The following TENM4 variants were observed in gnomAD, a reference collection of about 807,000 sequenced individuals.
TENM4 encodes teneurin transmembrane protein 4.
Under a neutral mutation model 243.3 loss-of-function variants are expected in TENM4, and 82 were observed. The ratio of observed to expected loss-of-function variants is 0.34; its 90% confidence interval spans 0.28 to 0.40. TENM4 has a LOEUF of 0.40. Among genes scored for constraint, TENM4 ranks in the 10% least tolerant of loss-of-function variants. The pLI, the probability that TENM4 is intolerant of heterozygous loss-of-function variation, is 1.00. For synonymous variants in TENM4, 1,412 were observed against 1,456.3 expected (o/e 0.97, Z 0.69); for missense variants, 3,138 against 3,673.3 (o/e 0.85, Z 3.77).
chr11:79,315,102 T>C (rs544167886), intron 1 of TENM4, among the ~76,000 whole-genome samples: 7 of 151,440 alleles, frequency 4.6e-5, no homozygotes, highest in Non-Finnish European at 1.0e-4. Flanking sequence ...AGCGTGGGAG[T>C]AGGAGTTTAC....
chr11:78,778,319 A>C, intron 17 of TENM4, among the ~76,000 whole-genome samples: 1 of 67,512 alleles, frequency 1.5e-5, no homozygotes, highest in South Asian at 7.5e-4. Context: ...AGGTGTATGT[A>C]TGTGGGGCGG....
chr11:79,069,732 G>T lies in TENM4; in HGVS notation c.213C>A (p.Phe71Leu), dbSNP rs1416902192. 4 of 1,550,598 alleles carry T rather than the reference G, an allele frequency of 2.6e-6. No homozygotes were observed. The highest frequency in any genetic ancestry group is 3.5e-6 in the Non-Finnish European group (4 of 1,146,862). The change falls in exon 5 of 34, where the codon TTC (phenylalanine) becomes TTA (leucine). Residue 71 changes from phenylalanine (F) to leucine (L), a missense_variant. Physicochemically the swap from Phe to Leu is conservative, Grantham distance 22 (BLOSUM62 0). Around this residue, in one of 2 missense-constraint regions of TENM4, gnomAD observed 671 missense variants for 614.1 expected, o/e 1.09. Coordinates refer to ENST00000278550, the MANE Select transcript of TENM4 (RefSeq NM_001098816.3). ...CGGCCTTGTCCTTACCTGTGCGGCA[G>T]AATTCCTCGGCCTCCTGCGGCACAA... ...KDIVPQEAEE[F>L]CRTGANFTLR...
chr11:79,275,569 C>CT (rs1459745763), intron 2 of TENM4, among the ~76,000 whole-genome samples: 1 of 152,190 alleles, frequency 6.6e-6, no homozygotes, highest in Non-Finnish European at 1.5e-5. Flanking sequence ...TCCTGCTAGC[C>CT]TTGTCTCCAC....
At chr11:78,790,322 G>A (rs1050982710) in intron 15 of TENM4, among the ~76,000 whole-genome samples, 3 of 152,232 alleles carry the variant, frequency 2.0e-5, no homozygotes, top group African/African-American at 7.2e-5. Flanking sequence ...TGGGTAATCT[G>A]CAAGCTGCCA....
chr11:78,802,413 C>G (rs990407863), intron 15 of TENM4, among the ~76,000 whole-genome samples: 1 of 152,230 alleles, frequency 6.6e-6, no homozygotes, highest in Non-Finnish European at 1.5e-5. Context: ...TAACATGTGG[C>G]AGAAGCAGGG....
intron 8 of TENM4, among the ~76,000 whole-genome samples, 183 bp from the exon 9 acceptor site, chr11:78,890,203 G>T (rs889515028): frequency 1.8e-4 from 28 of 152,068 alleles, no homozygotes; most frequent in African/African-American, 6.3e-4. Context: ...ATGGAACAGG[G>T]CACACAGAGA....
chr11:79,166,665 G>T (rs1254557173), intron 3 of TENM4, among the ~76,000 whole-genome samples: 1 of 152,198 alleles, frequency 6.6e-6, no homozygotes, highest in East Asian at 1.9e-4. Flanking sequence ...CTAATAAGTG[G>T]CAGAAGTGGG....
chr11:79,002,639 A>T (rs541281372), intron 6 of TENM4, among the ~76,000 whole-genome samples: 1 of 152,352 alleles, frequency 6.6e-6, no homozygotes, highest in Non-Finnish European at 1.5e-5. Context: ...GATAAAATCA[A>T]AAAAACCCAT....
At chr11:78,945,825 C>A (rs932389454) in intron 6 of TENM4, among the ~76,000 whole-genome samples, 1 of 152,182 alleles carries the variant, frequency 6.6e-6, no homozygotes, top group Admixed American at 6.5e-5. Flanking sequence ...CCACAACACT[C>A]CCTTAAACCA....
intron 1 of TENM4, among the ~76,000 whole-genome samples, chr11:79,361,767 G>GAA (rs147994375): frequency 6.7e-6 from 1 of 149,620 alleles, no homozygotes; most frequent in Non-Finnish European, 1.5e-5. Context: ...TATCGCAACA[G>GAA]AAAAAAAAAA....
intron 29 of TENM4, among the ~76,000 whole-genome samples, chr11:78,677,126 T>G (rs1858498106): frequency 6.6e-6 from 1 of 152,238 alleles, no homozygotes; most frequent in African/African-American, 2.4e-5. Context: ...AGAGTAAATC[T>G]TATGCTATGT....
chr11:79,059,075 A>G (rs1177201744), intron 6 of TENM4, among the ~76,000 whole-genome samples: 1 of 152,196 alleles, frequency 6.6e-6, no homozygotes, highest in African/African-American at 2.4e-5. Context: ...CACCTAATCT[A>G]CTGACTCTGA....
chr11:79,432,189 T>A (rs1859183295), intron 1 of TENM4, among the ~76,000 whole-genome samples: 1 of 152,232 alleles, frequency 6.6e-6, no homozygotes, highest in Non-Finnish European at 1.5e-5. Context: ...TTACATGGTC[T>A]TCTAATTCCA....
At chr11:79,037,631 C>T (rs1464909819) in intron 6 of TENM4, among the ~76,000 whole-genome samples, 1 of 152,128 alleles carries the variant, frequency 6.6e-6, no homozygotes, top group Non-Finnish European at 1.5e-5. Flanking sequence ...AATCAACCAC[C>T]ATGTCTCAAA....
chr11:78,793,039 C>A (rs916227496), intron 15 of TENM4, among the ~76,000 whole-genome samples: 1 of 152,158 alleles, frequency 6.6e-6, no homozygotes, highest in East Asian at 1.9e-4. Flanking sequence ...GGAAAAGCTG[C>A]CCCAGGCTCG....
At position 78,947,479 on chromosome 11, in the gene TENM4, A is replaced by G. The variant is rs139946983; in HGVS notation, c.494-43956T>C. On this transcript the variant is annotated intron_variant, in intron 6 of 33. Coordinates refer to ENST00000278550, the MANE Select transcript of TENM4 (RefSeq NM_001098816.3). ...GGAAAAGCAGAAGGAGACAGACAAG[A>G]CTTTATTCCCAAACACTGCCTCCTC... 6.8e-4 allele frequency among the ~76,000 whole-genome samples: 103 copies of G among 152,328 alleles called. 1 individual carries two copies. The highest frequency in any genetic ancestry group is 2.3e-3 in the African/African-American group (96 of 41,574).
At position 78,795,021 on chromosome 11, in the gene TENM4, G is replaced by A. The variant is rs1399095397; in HGVS notation, c.2180-7938C>T. ...GTAGCTGCCAGATGGTGGTCGCTGC[G>A]CTCTTTGGGCCTTCTTCTGTGCTTC... On this transcript the variant is annotated intron_variant, in intron 15 of 33. Transcript: ENST00000278550. Among the ~76,000 whole-genome samples, 8 of 152,112 alleles carry A rather than the reference G, an allele frequency of 5.3e-5. No homozygotes were observed. In the East Asian group the frequency reaches 7.7e-4, roughly 15 times the overall value.
intron 4 of TENM4, among the ~76,000 whole-genome samples, chr11:79,128,448 A>C (rs774273361): frequency 2.0e-5 from 3 of 152,200 alleles, no homozygotes; most frequent in Non-Finnish European, 2.9e-5. Flanking sequence ...GCAGGTCCTG[A>C]AGGCACAAAT....
chr11:78,671,889 G>T, intron 31 of TENM4, 144 bp downstream of exon 31: 4 of 1,086,736 alleles, frequency 3.7e-6, no homozygotes, highest in Non-Finnish European at 5.2e-6. Context: ...GGGACCCCAT[G>T]CCCTCTGTGG....
Sources: gnomAD v4.1 joint callset for allele counts (sites outside exome capture counted in the v4.1 genomes callset) on GRCh38, gnomAD v4.1.1 for gene constraint, gnomAD v4.1.1 regional missense constraint, MANE v1.5 for transcripts, NCBI Gene and HGNC (gene_info 2026-07-23, HGNC 2026-07-21) for gene names.